TOX4: variants seen among roughly 807,000 people sequenced by gnomAD.
The protein encoded by TOX4 is epidermal Langerhans cell protein LCP1.
A neutral mutation model predicts 61.0 loss-of-function variants in TOX4; 12 were observed. That is an observed-to-expected ratio of 0.20 (90% CI 0.13 to 0.32). TOX4 has a LOEUF of 0.32. Ranked by LOEUF, TOX4 falls within the 10% of genes least tolerant of loss-of-function variation. The pLI, the probability that TOX4 is intolerant of heterozygous loss-of-function variation, is 1.00. For missense variants in TOX4, 499 were observed against 753.3 expected (o/e 0.66, Z 3.95); for synonymous variants, 268 against 274.8 (o/e 0.98, Z 0.24).
chr14:21,492,037 A>C (rs1412537453), intron 5 of TOX4: 3 of 290,184 alleles, frequency 1.0e-5, no homozygotes. Context: ...AAATAAAATA[A>C]ATGTAGCAAA....
In TOX4 at chr14:21,496,659, G is replaced by A; in HGVS notation, c.*53G>A. On this transcript the variant is annotated 3_prime_UTR_variant, in exon 9 of 9. Coordinates refer to ENST00000448790, the MANE Select transcript of TOX4 (RefSeq NM_014828.4). ...AGTTATCTGCTGGGAAAGTGTCCAA[G>A]AGCCTGTTTTTGAAACACAAGCTGG... 1 of 1,547,766 alleles carries A rather than the reference G, an allele frequency of 6.5e-7. No homozygotes were observed. Among genetic ancestry groups the A allele is most frequent in the Admixed American group, 1.7e-5 (1 of 58,842 alleles).
chr14:21,486,876 G>T (rs1891199115), intron 2 of TOX4, among the ~76,000 whole-genome samples: 1 of 152,096 alleles, frequency 6.6e-6, no homozygotes, highest in Non-Finnish European at 1.5e-5. Flanking sequence ...ATCTTTATTT[G>T]TTGTTAACAT....
At chr14:21,484,113 A>G (rs2139620639) in intron 2 of TOX4, among the ~76,000 whole-genome samples, 1 of 152,144 alleles carries the variant, frequency 6.6e-6, no homozygotes, top group African/African-American at 2.4e-5. Context: ...CCAGCTGAGA[A>G]CTGTGTGTTC....
chr14:21,493,640 T>C (rs1179166918), intron 7 of TOX4, among the ~76,000 whole-genome samples: 1 of 151,928 alleles, frequency 6.6e-6, no homozygotes, highest in Non-Finnish European at 1.5e-5. Context: ...GGTTTCTCCA[T>C]GTTGGTCAGG....
In TOX4 at chr14:21,477,242, G is replaced by T. The variant is rs1487191543; in HGVS notation, c.-37G>T. The T allele has an allele frequency of 5.6e-6, 9 of 1,613,778 alleles. No homozygotes were observed. The highest frequency in any genetic ancestry group is 5.3e-5 in the African/African-American group (4 of 74,898). On this transcript the variant is annotated 5_prime_UTR_variant, in exon 1 of 9. Coordinates refer to ENST00000448790, the MANE Select transcript of TOX4 (RefSeq NM_014828.4). ...CGAGTCCAGTGGGGGCGGTGGGAGC[G>T]ATGAGGGTCTGAGACGGTGGGAGCG...
chr14:21,489,028 A>C, intron 4 of TOX4, 145 bp from the exon 5 acceptor site: 1 of 1,207,986 alleles, frequency 8.3e-7, no homozygotes, highest in Non-Finnish European at 1.1e-6. Context: ...CCCTATTCTT[A>C]TTGGTTCTCC....
At chr14:21,485,822 C>T (rs1224742080) in intron 2 of TOX4, among the ~76,000 whole-genome samples, 2 of 94,778 alleles carry the variant, frequency 2.1e-5, no homozygotes, top group Non-Finnish European at 4.5e-5. Flanking sequence ...GCCAAGATCG[C>T]GCCACTGCAC....
intron 2 of TOX4, among the ~76,000 whole-genome samples, chr14:21,486,638 C>G (rs915053746): frequency 3.3e-5 from 5 of 152,098 alleles, no homozygotes; most frequent in Non-Finnish European, 7.4e-5. Flanking sequence ...AAAACAGAAC[C>G]ATAGCAGTTC....
intron 2 of TOX4, among the ~76,000 whole-genome samples, chr14:21,478,255 T>TA (rs1244688547): frequency 6.6e-6 from 1 of 152,222 alleles, no homozygotes; most frequent in Non-Finnish European, 1.5e-5. Context: ...CCTACTTTGA[T>TA]AAAAAATTTG....
intron 7 of TOX4, among the ~76,000 whole-genome samples, chr14:21,494,918 C>T (rs1469846426): frequency 2.7e-5 from 4 of 148,956 alleles, no homozygotes; most frequent in Non-Finnish European, 5.9e-5. Flanking sequence ...GACTCCGTCT[C>T]AAAAAAAAAC....
In TOX4 at chr14:21,487,684, C is replaced by A; in HGVS notation, c.309C>A (p.Gly103=). ...MEQGGGLLSG[G]LTMDLDHSIG... ...AGGGCGGGGGGCTCCTGAGTGGGGG[C>A]TTGACCATGGTAAGGGGCAAGACAT... The change falls in exon 3 of 9, where the codon GGC becomes GGA. Residue 103 remains glycine, a synonymous_variant. Coordinates refer to ENST00000448790, the MANE Select transcript of TOX4 (RefSeq NM_014828.4). The A allele has an allele frequency of 6.2e-7, 1 of 1,611,284 alleles. No homozygotes were observed. The highest frequency in any genetic ancestry group is 8.5e-7 in the Non-Finnish European group (1 of 1,177,824).
rs148558000 is a variant in TOX4 at position 21,480,366 on chromosome 14, G to A, written c.75+2802G>A. The stretch of plus-strand genomic sequence containing the variant: ...ATTTCAGTAGCTTCCTTTGCCTAAG[G>A]CTCCTGTCATTGTTAACAGTTCTCC... On this transcript the variant is annotated intron_variant, in intron 2 of 8. Transcript: ENST00000448790. Among the ~76,000 whole-genome samples the A allele has an allele frequency of 3.0e-3, 461 of 152,054 alleles. 2 individuals are homozygous for A. The highest frequency in any genetic ancestry group is 0.011 in the African/African-American group (449 of 41,492).
At chr14:21,490,626 G>C (rs1891271047) in intron 5 of TOX4, among the ~76,000 whole-genome samples, 1 of 152,098 alleles carries the variant, frequency 6.6e-6, no homozygotes, top group African/African-American at 2.4e-5. Flanking sequence ...ACACAATCCA[G>C]GTTCTTTAAC....
chr14:21,496,388 ATGG>A (rs1891402489), intron 8 of TOX4, among the ~76,000 whole-genome samples, 155 bp from the exon 9 acceptor site: 1 of 151,854 alleles, frequency 6.6e-6, no homozygotes, highest in Non-Finnish European at 1.5e-5. Context: ...TTGGCCGGGC[ATGG>A]TGGTGGGCAC....
chr14:21,481,145 G>C (rs972918122), intron 2 of TOX4, among the ~76,000 whole-genome samples: 2 of 152,190 alleles, frequency 1.3e-5, no homozygotes, highest in African/African-American at 4.8e-5. Context: ...CACAAAAGAA[G>C]ACGTCCAAAT....
chr14:21,498,231 G>C lies in TOX4; in HGVS notation c.*1625G>C. On this transcript the variant is annotated 3_prime_UTR_variant, in exon 9 of 9. Coordinates refer to ENST00000448790, the MANE Select transcript of TOX4 (RefSeq NM_014828.4). ...TTTAGCTTACAGAGCCATGGCTATG[G>C]ATTCTTAGCTCTGTAAGGAAGTGCT... 7.7e-7 allele frequency: 1 copy of C among 1,305,372 alleles called. No homozygotes were observed. Among genetic ancestry groups the C allele is most frequent in the South Asian group, 1.2e-5 (1 of 84,716 alleles). The allele number at this position is 1,305,372 out of a possible 1,614,324, so 80.9% of individuals were successfully genotyped here.
intron 7 of TOX4, among the ~76,000 whole-genome samples, chr14:21,494,187 T>TTGGACATGCAAAGCTTTTCA (rs1891352039): frequency 6.6e-6 from 1 of 152,238 alleles, no homozygotes; most frequent in Non-Finnish European, 1.5e-5. Flanking sequence ...ATCCTAAACT[T>TTGGACATGCAAAGCTTTTCA]TGGACATGCA....
Position 21,495,293 on chromosome 14 carries a change from A to G in TOX4, c.1706A>G (p.Gln569Arg). Residue 569 changes from glutamine (Q) to arginine (R), a missense_variant, in exon 8 of 9, where the codon CAG (glutamine) becomes CGG (arginine). Physicochemically the swap from Gln to Arg is conservative, Grantham distance 43 (BLOSUM62 1). This residue lies in a region of TOX4 where 296 missense variants were observed against 404.7 expected (regional missense o/e 0.73). Transcript: ENST00000448790. ...VSGSPVALSP[Q>R]PRCVRSGCEN... The stretch of plus-strand genomic sequence containing the variant: ...GGGTCTCCTGTGGCACTCTCACCCC[A>G]GCCTCGATGTGTGAGGTCTGGTTGT... The G allele has an allele frequency of 6.2e-7, 1 of 1,614,174 alleles. No individual in the cohort carries two copies.
In TOX4 at chr14:21,495,302, G is replaced by A. The variant is rs753764579; in HGVS notation, c.1715G>A (p.Cys572Tyr). Residue 572 changes from cysteine to tyrosine, a missense_variant, in exon 8 of 9, where the codon TGT (cysteine) becomes TAT (tyrosine). Physicochemically the swap from Cys to Tyr is radical, Grantham distance 194. This residue lies in a region of TOX4 where 296 missense variants were observed against 404.7 expected (regional missense o/e 0.73). Coordinates refer to ENST00000448790, the MANE Select transcript of TOX4 (RefSeq NM_014828.4). ...SPVALSPQPR[C>Y]VRSGCENPPI... Reference sequence around the variant, plus strand: ...GTGGCACTCTCACCCCAGCCTCGATGTGTGAGGTCTGGTTGTGAGAACCCT... The same window carrying A: ...GTGGCACTCTCACCCCAGCCTCGATATGTGAGGTCTGGTTGTGAGAACCCT... 4 of 1,614,198 alleles carry A rather than the reference G, an allele frequency of 2.5e-6. No individual in the cohort carries two copies. The highest frequency in any genetic ancestry group is 3.4e-6 in the Non-Finnish European group (4 of 1,180,034).
Sources: gnomAD v4.1 joint callset for allele counts (sites outside exome capture counted in the v4.1 genomes callset) on GRCh38, gnomAD v4.1.1 for gene constraint, gnomAD v4.1.1 regional missense constraint, MANE v1.5 for transcripts, NCBI Gene and HGNC (gene_info 2026-07-23, HGNC 2026-07-21) for gene names.